Variants in DOCK2 observed in about 807,000 individuals in gnomAD.
DOCK2 encodes dedicator of cytokinesis protein 2.
In DOCK2, 87 loss-of-function variants were observed where a neutral mutation model predicts 248.9. That is an observed-to-expected ratio of 0.35 (90% confidence interval 0.29 to 0.42). DOCK2 has a LOEUF of 0.42. Among genes scored for constraint, DOCK2 ranks in the 10% least tolerant of loss-of-function variants. DOCK2 has a pLI of 1.00. For synonymous variants in DOCK2, 805 were observed against 821.6 expected (o/e 0.98, Z 0.35); for missense variants, 1,747 against 2,300.2 (o/e 0.76, Z 4.92).
chr5:170,056,766 G>T lies in DOCK2; in HGVS notation c.4378G>T (p.Ala1460Ser), dbSNP rs1554128971. 1 of 1,613,470 alleles carries T rather than the reference G, an allele frequency of 6.2e-7. No individual in the cohort carries two copies. Among genetic ancestry groups the T allele is most frequent in the Non-Finnish European group, 8.5e-7 (1 of 1,179,686 alleles). ...GACCGTAGACCCAGAGAATGAGTTT[G>T]CTGTGAGTATCTTCCCTACCCTTGA... is the stretch of plus-strand genomic sequence containing the variant. ...RGTVDPENEFASMWIERTSFV... is the reference protein window; with the variant it reads ...RGTVDPENEFSSMWIERTSFV... The change falls in exon 43 of 52, where the codon GCT (alanine) becomes TCT (serine). Residue 1460 changes from alanine (A) to serine (S), a missense_variant and splice_region_variant. By Grantham distance (99) the Ala-to-Ser change is moderately conservative. Coordinates refer to ENST00000520908, the MANE Select transcript of DOCK2 (RefSeq NM_004946.3).
rs1422701315 is a variant in DOCK2 at position 169,979,173 on chromosome 5, G to A, written c.2800-3895G>A. ...CCTCCACCCCTCTGTTCCCCATGCAGTATTCAGGCTTTTCCAGGTTTCTGA... is the reference window on the plus strand; with the variant it reads ...CCTCCACCCCTCTGTTCCCCATGCAATATTCAGGCTTTTCCAGGTTTCTGA... On this transcript the variant is annotated intron_variant, in intron 27 of 51. Transcript: ENST00000520908. Among the ~76,000 whole-genome samples the A allele has an allele frequency of 2.0e-5, 3 of 152,170 alleles. No homozygotes were observed. In the East Asian group the frequency reaches 5.8e-4, roughly 29 times the overall value.
chr5:170,015,494 A>C lies in DOCK2; in HGVS notation c.3233-3466A>C, dbSNP rs574603252. ...AGCATTGCCAGGAGGGAGCTTTTCC[A>C]AGCCTAAGACAGAGGAGCAAAGATC... On this transcript the variant is annotated intron_variant, in intron 32 of 51. Transcript: ENST00000520908. Among the ~76,000 whole-genome samples the C allele has an allele frequency of 3.9e-5, 6 of 152,284 alleles. No individual in the cohort carries two copies. The South Asian group carries it at 8.3e-4, about 21-fold the overall frequency.
rs180988273 is a variant in DOCK2, at chr5:170,003,704, G to A, written c.3073-4793G>A. On this transcript the variant is annotated intron_variant, in intron 30 of 51. Transcript: ENST00000520908. ...GGCAGTTGTTGAAGGAGACAGCACT[G>A]GGGACCATGGAAATTGTATGAGACT... 8.7e-4 allele frequency among the ~76,000 whole-genome samples: 133 copies of A among 152,338 alleles called. 3 individuals carry two copies. In the South Asian group the frequency reaches 0.011, roughly 13 times the overall value.
intron 27 of DOCK2, among the ~76,000 whole-genome samples, chr5:169,851,695 G>A (rs1770623279): frequency 6.6e-6 from 1 of 152,208 alleles, no homozygotes; most frequent in South Asian, 2.1e-4. Context: ...AGTTTCTCAT[G>A]GCTGGGGAGA....
chr5:170,041,621 G>A (rs1756521762), intron 37 of DOCK2, among the ~76,000 whole-genome samples: 3 of 152,236 alleles, frequency 2.0e-5, no homozygotes, highest in Admixed American at 2.0e-4. Context: ...TTCACAAGTG[G>A]AAATTGCAGC....
At chr5:169,747,110 C>G (rs1198443807) in intron 22 of DOCK2, among the ~76,000 whole-genome samples, 1 of 152,126 alleles carries the variant, frequency 6.6e-6, no homozygotes, top group Non-Finnish European at 1.5e-5. Context: ...TTAATGTCTC[C>G]TCAGCTCAGA....
At chr5:170,034,135 A>G (rs568402467) in intron 34 of DOCK2, among the ~76,000 whole-genome samples, 44 of 152,226 alleles carry the variant, frequency 2.9e-4, no homozygotes, top group Non-Finnish European at 8.8e-5. Context: ...ATTTATTCTC[A>G]GCAGGGGTGG....
intron 27 of DOCK2, among the ~76,000 whole-genome samples, chr5:169,900,956 G>A (rs1331771444): frequency 1.3e-5 from 2 of 152,152 alleles, no homozygotes; most frequent in South Asian, 2.1e-4. Flanking sequence ...AAACAGCCAA[G>A]GTCCTGTCTA....
intron 23 of DOCK2, among the ~76,000 whole-genome samples, chr5:169,753,528 G>A (rs1343264811): frequency 1.3e-5 from 2 of 152,228 alleles, no homozygotes; most frequent in Non-Finnish European, 2.9e-5. Context: ...GAGGCTTAAA[G>A]AGGTTAAGTA....
chr5:169,902,361 C>T (rs181354030), intron 27 of DOCK2, among the ~76,000 whole-genome samples: 2 of 152,320 alleles, frequency 1.3e-5, no homozygotes, highest in Admixed American at 6.5e-5. Context: ...CAGTGAGCCA[C>T]ATTTTAGAAA....
chr5:170,034,251 TA>T, intron 34 of DOCK2, 147 bp from the exon 35 acceptor site: 1 of 979,992 alleles, frequency 1.0e-6, no homozygotes, highest in Non-Finnish European at 1.5e-6. Flanking sequence ...ACTATATGGA[TA>T]AATACATGAA....
At chr5:170,075,440 A>G (rs1209409176) in intron 46 of DOCK2, 1 of 153,328 alleles carries the variant, frequency 6.5e-6, no homozygotes, top group Non-Finnish European at 1.5e-5. Context: ...ATCCTTCTTC[A>G]GCAGCTGTAT....
intron 36 of DOCK2, 86 bp from the exon 37 acceptor site, chr5:170,040,969 G>A: frequency 8.0e-7 from 1 of 1,243,250 alleles, no homozygotes; most frequent in East Asian, 2.3e-5. Flanking sequence ...GAGGTGCCCA[G>A]TTGTTCTCTG....
chr5:169,994,300 G>A (rs2113796303), intron 29 of DOCK2, among the ~76,000 whole-genome samples: 1 of 152,270 alleles, frequency 6.6e-6, no homozygotes, highest in East Asian at 1.9e-4. Context: ...TCCCAGAAGA[G>A]TAGAATCTAC....
intron 14 of DOCK2, among the ~76,000 whole-genome samples, chr5:169,705,859 A>G (rs754585935): frequency 4.7e-4 from 71 of 152,316 alleles, no homozygotes; most frequent in Non-Finnish European, 3.8e-4. Context: ...CCAAGCCAAC[A>G]TGAAAGCCTC....
At chr5:169,790,521 T>A (rs961304530) in intron 25 of DOCK2, among the ~76,000 whole-genome samples, 1 of 152,218 alleles carries the variant, frequency 6.6e-6, no homozygotes, top group Non-Finnish European at 1.5e-5. Context: ...TTCTCTGAGT[T>A]TGGTATTCAG....
intron 12 of DOCK2, among the ~76,000 whole-genome samples, chr5:169,699,794 G>C (rs1760857046): frequency 6.6e-6 from 1 of 152,170 alleles, no homozygotes; most frequent in Admixed American, 6.5e-5. Flanking sequence ...TAGAGAAGTG[G>C]GATAATTTGC....
intron 32 of DOCK2, among the ~76,000 whole-genome samples, chr5:170,012,445 C>T (rs1345919141): frequency 2.0e-5 from 3 of 152,216 alleles, no homozygotes; most frequent in Non-Finnish European, 4.4e-5. Context: ...TCACCATCAT[C>T]AGTATCATCA....
intron 32 of DOCK2, among the ~76,000 whole-genome samples, chr5:170,010,075 G>A (rs989777032): frequency 5.9e-5 from 9 of 152,154 alleles, no homozygotes; most frequent in South Asian, 2.1e-4. Context: ...GCTGGGGCAC[G>A]TGGAGCCATG....
Sources: allele counts gnomAD v4.1 joint callset (sites outside exome capture counted in the v4.1 genomes callset), GRCh38; gene constraint gnomAD v4.1.1; transcripts MANE v1.5; gene names NCBI Gene and HGNC (gene_info 2026-07-23, HGNC 2026-07-21).